Variants in CFAP92 observed in about 807,000 individuals in gnomAD.
CFAP92 encodes cilia and flagella associated protein 92 (putative), also known as uncharacterized protein CFAP92.
A neutral mutation model predicts 106.3 loss-of-function variants in CFAP92; 86 were observed. The observed-to-expected ratio is 0.81, with a 90% CI of 0.68 to 0.97. The LOEUF (loss-of-function observed/expected upper bound fraction) is 0.97. Among genes scored for constraint, CFAP92 ranks in the 50% least tolerant of loss-of-function variants. The pLI, the probability that CFAP92 is intolerant of heterozygous loss-of-function variation, is 0.00. For synonymous variants in CFAP92, 477 were observed against 506.4 expected, an observed-to-expected ratio of 0.94 and a Z score of 0.78; for missense variants, 1,204 against 1,283.8, an observed-to-expected ratio of 0.94 and a Z score of 0.95.
intron 9 of CFAP92, among the ~76,000 whole-genome samples, chr3:128,962,733 C>A (rs1475314267): frequency 6.6e-6 from 1 of 152,190 alleles, no homozygotes; most frequent in Non-Finnish European, 1.5e-5. Context: ...AGCCTGTGAT[C>A]ACTCGCCTGC....
chr3:129,001,338 G>A (rs999728799), intron 1 of CFAP92, among the ~76,000 whole-genome samples: 3 of 152,216 alleles, frequency 2.0e-5, no homozygotes, highest in Non-Finnish European at 2.9e-5. Context: ...GAGGAGAGGA[G>A]AGCGTGGGAG....
chr3:128,993,644 C>T, intron 1 of CFAP92: 1 of 362,134 alleles, frequency 2.8e-6, no homozygotes, highest in South Asian at 2.6e-5. Context: ...GTGAGCAGCT[C>T]CCGGGAGCCA....
At chr3:129,009,704 T>TG in the CFAP92 span, among the ~76,000 whole-genome samples, 1 of 152,188 alleles carries the variant, frequency 6.6e-6, no homozygotes, top group Non-Finnish European at 1.5e-5. Context: ...TCTCTGGAGC[T>TG]CGCAGCCCAG....
In CFAP92 at chr3:128,915,538, G is replaced by A; in HGVS notation, c.2942C>T (p.Ser981Leu). The A allele has an allele frequency of 6.5e-7, 1 of 1,529,196 alleles. No homozygotes were observed. Among genetic ancestry groups the A allele is most frequent in the Non-Finnish European group, 8.7e-7 (1 of 1,143,562 alleles). The allele number at this position is 1,529,196 out of a possible 1,614,324, so 94.7% of individuals were successfully genotyped here. ...AKEPRKRFTYSQDYLSAMVEP... is the reference protein window; with the variant it reads ...AKEPRKRFTYLQDYLSAMVEP... ...CACCATGGCTGAGAGGTAATCCTGTGAGTACGTGAATCTCTTTCTTGGCTC... is the reference window on the plus strand; with the variant it reads ...CACCATGGCTGAGAGGTAATCCTGTAAGTACGTGAATCTCTTTCTTGGCTC... The change falls in exon 14 of 16, where the codon TCA becomes TTA. Residue 981 changes from serine (S) to leucine (L), a missense_variant. Ser to Leu is a moderately radical substitution (Grantham distance 145). Coordinates refer to ENST00000645291, the MANE Select transcript of CFAP92 (RefSeq NM_001394090.1).
chr3:128,973,385 G>A (rs886145493), intron 7 of CFAP92, among the ~76,000 whole-genome samples: 18 of 152,070 alleles, frequency 1.2e-4, no homozygotes, highest in African/African-American at 3.6e-4. Flanking sequence ...GGCCGGGCCC[G>A]GTGGCTCACA....
the CFAP92 span, among the ~76,000 whole-genome samples, chr3:129,010,047 G>A: frequency 3.9e-5 from 6 of 152,350 alleles, no homozygotes; most frequent in Non-Finnish European, 8.8e-5. This position sits in a 1 kb window ranked among gnomAD's most constrained non-coding sequence, Gnocchi z 4.3. Flanking sequence ...ACAGTAAGAT[G>A]TGTGTGGACA....
At chr3:128,978,214 G>T (rs1234424942) in intron 4 of CFAP92, 29 bp from the exon 5 acceptor site, 1 of 1,600,374 alleles carries the variant, frequency 6.2e-7, no homozygotes, top group Non-Finnish European at 8.5e-7. Context: ...AAGGATCATT[G>T]ACTCAATCAA....
chr3:128,997,288 C>T (rs1275795554), upstream of CFAP92, among the ~76,000 whole-genome samples: 2 of 152,170 alleles, frequency 1.3e-5, no homozygotes, highest in Non-Finnish European at 2.9e-5. Flanking sequence ...CTTCTTCTTG[C>T]CCCTTCCCCA....
chr3:128,934,074 G>A (rs1434967681), intron 11 of CFAP92, among the ~76,000 whole-genome samples: 1 of 152,190 alleles, frequency 6.6e-6, no homozygotes, highest in Non-Finnish European at 1.5e-5. Flanking sequence ...CCTGCCCTGG[G>A]GAAAGAAGCA....
At chr3:129,001,602 C>T (rs1429674803) in intron 1 of CFAP92, 2 of 1,355,596 alleles carry the variant, frequency 1.5e-6, no homozygotes, top group Non-Finnish European at 1.9e-6. Context: ...GAGGAGGGAC[C>T]GGAGGAGCGA....
At position 128,935,124 on chromosome 3, in the gene CFAP92, C is replaced by T. The variant is rs531739382; in HGVS notation, c.2453+1G>A. On this transcript the variant is annotated splice_donor_variant, in intron 11 of 15. Transcript: ENST00000645291. LOFTEE classifies it high-confidence loss of function. The stretch of plus-strand genomic sequence containing the variant: ...ACCACATGCGAGCTGCCACTGCCCA[C>T]CTGGCTAGAGCCTGGAAGACCCGCC... 1.2e-4 allele frequency: 177 copies of T among 1,515,070 alleles called. No homozygotes were observed. In the Admixed American group the frequency reaches 3.2e-3, roughly 28 times the overall value. The allele number at this position is 1,515,070 out of a possible 1,614,324, so 93.9% of individuals were successfully genotyped here.
the CFAP92 span, among the ~76,000 whole-genome samples, chr3:129,010,116 G>GT: frequency 6.6e-6 from 1 of 152,240 alleles, no homozygotes; most frequent in Non-Finnish European, 1.5e-5. The surrounding 1 kb of genome is among the most constrained non-coding windows in gnomAD (Gnocchi z 4.3). Context: ...AAGAAAGGGC[G>GT]TAACGCCTGG....
At chr3:128,935,395 G>A in intron 10 of CFAP92, 76 bp from the exon 11 acceptor site, 2 of 1,010,722 alleles carry the variant, frequency 2.0e-6, no homozygotes, top group Non-Finnish European at 2.8e-6. Context: ...GCGCTGTCAG[G>A]TACAGCTTTT....
chr3:128,982,914 G>C (rs1344839593), intron 4 of CFAP92, among the ~76,000 whole-genome samples: 1 of 152,162 alleles, frequency 6.6e-6, no homozygotes, highest in South Asian at 2.1e-4. Flanking sequence ...ATTTACAATA[G>C]TGACTTCAAA....
At chr3:128,983,547 G>A (rs900919131) in intron 4 of CFAP92, among the ~76,000 whole-genome samples, 8 of 152,128 alleles carry the variant, frequency 5.3e-5, no homozygotes, top group Admixed American at 3.9e-4. Context: ...GCATGCACAT[G>A]GCAGCCACCA....
Position 128,993,306 on chromosome 3 carries a change from C to T in CFAP92, c.-2G>A, listed in dbSNP as rs1327635462. 2 of 1,612,074 alleles carry T rather than the reference C, an allele frequency of 1.2e-6. No individual in the cohort carries two copies. The highest frequency in any genetic ancestry group is 1.1e-5 in the South Asian group (1 of 90,880). ...CCACTCCCAGGCATGTAGCGACATG[C>T]TGCAGAGCGCACTGCTGGCCGCCGG... On this transcript the variant is annotated 5_prime_UTR_variant, in exon 2 of 16. Transcript: ENST00000645291.
At position 128,945,602 on chromosome 3, in the gene CFAP92, C is replaced by A. The variant is rs2107729450; in HGVS notation, c.1727G>T (p.Gly576Val). 1.3e-6 allele frequency: 2 copies of A among 1,536,092 alleles called. No individual in the cohort carries two copies. The highest frequency in any genetic ancestry group is 1.2e-5 in the South Asian group (1 of 84,058). Residue 576 changes from glycine (G) to valine (V), a missense_variant, in exon 10 of 16, where the codon GGC becomes GTC. Transcript: ENST00000645291. ...AQVSFADLLL[G>V]HKYLNLAVPI... is the part of the protein sequence containing the mutation. ...GACGGCCAGATTCAAGTACTTGTGG[C>A]CAAGGAGGAGGTCAGCAAAACTGAC...
At chr3:128,985,969 T>G (rs543381450) in intron 4 of CFAP92, among the ~76,000 whole-genome samples, 18 of 152,122 alleles carry the variant, frequency 1.2e-4, no homozygotes, top group Admixed American at 9.8e-4. Context: ...CACCCAGCAA[T>G]CCACAGAACA....
chr3:128,960,954 CTCT>C (rs1408439128), intron 9 of CFAP92, among the ~76,000 whole-genome samples: 1 of 152,220 alleles, frequency 6.6e-6, no homozygotes, highest in Non-Finnish European at 1.5e-5. Flanking sequence ...TCTCTATGCT[CTCT>C]TTTCTCTGGG....
Sources: allele counts gnomAD v4.1 joint callset (sites outside exome capture counted in the v4.1 genomes callset), GRCh38; gene constraint gnomAD v4.1.1; non-coding constraint Gnocchi (gnomAD v3.1); transcripts MANE v1.5; gene names NCBI Gene and HGNC (gene_info 2026-07-23, HGNC 2026-07-21).